Variants in EPS15 observed in about 807,000 individuals in gnomAD.
The protein encoded by EPS15 is epidermal growth factor receptor pathway substrate 15.
In EPS15, 72 loss-of-function variants were observed where a neutral mutation model predicts 113.8. The observed-to-expected ratio is 0.63, with a 90% CI of 0.52 to 0.77. The LOEUF is 0.77. Ranked by LOEUF, EPS15 falls within the 30% of genes least tolerant of loss-of-function variation. The probability of loss-of-function intolerance (pLI) is 0.00; values close to 1 mark genes in which losing one functional copy is unlikely to be tolerated. For missense variants in EPS15, 1,048 were observed against 1,045.8 expected (o/e 1.00, Z -0.03); for synonymous variants, 344 against 363.4 (o/e 0.95, Z 0.61).
At chr1:51,414,391 G>A (rs1650019981) in intron 13 of EPS15, among the ~76,000 whole-genome samples, 1 of 151,732 alleles carries the variant, frequency 6.6e-6, no homozygotes, top group Non-Finnish European at 1.5e-5. Flanking sequence ...ACTCCAGCCT[G>A]GGCAACAAGA....
At chr1:51,395,247 A>G (rs577664781) in intron 20 of EPS15, among the ~76,000 whole-genome samples, 4 of 152,288 alleles carry the variant, frequency 2.6e-5, no homozygotes, top group East Asian at 3.9e-4. Context: ...CCTAATGTTA[A>G]TATCTCACAT....
intron 1 of EPS15, among the ~76,000 whole-genome samples, chr1:51,498,192 G>A (rs1570432689): frequency 6.6e-6 from 1 of 151,882 alleles, no homozygotes; most frequent in African/African-American, 2.4e-5. Flanking sequence ...ACTCATAAAA[G>A]GTACAATGGA....
chr1:51,426,721 CAT>C (rs796823473), intron 12 of EPS15, among the ~76,000 whole-genome samples: 2 of 151,820 alleles, frequency 1.3e-5, no homozygotes, highest in African/African-American at 4.8e-5. Context: ...TGAGATGCAA[CAT>C]AAACTCTTCA....
In EPS15 at chr1:51,413,610, C is replaced by T. The variant is rs78585712; in HGVS notation, c.1114-3914G>A. On this transcript the variant is annotated intron_variant, in intron 13 of 24. Coordinates refer to ENST00000371733, the MANE Select transcript of EPS15 (RefSeq NM_001981.3). ...ACCCCAAACTGACCTATGACAAATG[C>T]TTTTTAAACTTTTTAAAATAATACC... 0.011 allele frequency among the ~76,000 whole-genome samples: 1,641 copies of T among 152,260 alleles called. 82 individuals carry two copies. In the East Asian group the frequency reaches 0.14, roughly 13 times the overall value.
intron 22 of EPS15, 105 bp from the exon 23 acceptor site, chr1:51,364,133 T>A: frequency 2.3e-6 from 2 of 886,778 alleles, no homozygotes; most frequent in Non-Finnish European, 3.2e-6. Context: ...TTATTTATTT[T>A]AATTCTGAGA....
chr1:51,430,567 C>CAAA (rs1284100143), intron 12 of EPS15, among the ~76,000 whole-genome samples: 4 of 91,808 alleles, frequency 4.4e-5, no homozygotes, highest in Non-Finnish European at 4.6e-5. Context: ...GACTTCGTCT[C>CAAA]AAAAAAAAAA....
chr1:51,385,075 T>C (rs181966836), intron 21 of EPS15, among the ~76,000 whole-genome samples: 31 of 152,246 alleles, frequency 2.0e-4, no homozygotes, highest in Admixed American at 7.9e-4. Flanking sequence ...AACAACACAA[T>C]AGATAAAATG....
At chr1:51,386,290 TATA>T in intron 21 of EPS15, among the ~76,000 whole-genome samples, 1 of 152,184 alleles carries the variant, frequency 6.6e-6, no homozygotes, top group East Asian at 1.9e-4. Flanking sequence ...AAGTAATTTA[TATA>T]ATAAGATGGA....
chr1:51,451,505 A>AAAAAAAAAAAAAAAAAGAAAG (rs763389428), intron 8 of EPS15, among the ~76,000 whole-genome samples: 1 of 147,560 alleles, frequency 6.8e-6, no homozygotes, highest in Non-Finnish European at 1.5e-5. Context: ...AAAAAAAAAA[A>AAAAAAAAAAAAAAAAAGAAAG]AAAGAAAGAA....
Position 51,463,758 on chromosome 1 carries a change from A to T in EPS15, c.416T>A (p.Leu139Ter). 1 of 1,604,314 alleles carries T rather than the reference A, an allele frequency of 6.2e-7. No homozygotes were observed. The highest frequency in any genetic ancestry group is 8.5e-7 in the Non-Finnish European group (1 of 1,171,880). The change falls in exon 7 of 25, where the codon TTA (leucine) becomes TAA (stop). Residue 139 changes from leucine to a stop codon, truncating the protein, a stop_gained. Coordinates refer to ENST00000371733, the MANE Select transcript of EPS15 (RefSeq NM_001981.3). LOFTEE classifies it high-confidence loss of function. ...KAKYDAIFDS[L>*]SPVNGFLSGD... ...AGACAGAAATCCATTCACTGGGCTT[A>T]AACTATCAAATATTGCATCATATTT... is the stretch of plus-strand genomic sequence containing the variant.
chr1:51,461,212 CAAGAA>C, intron 7 of EPS15, 62 bp from the exon 8 acceptor site: 1 of 1,250,386 alleles, frequency 8.0e-7, no homozygotes. Flanking sequence ...TACTCGAGGG[CAAGAA>C]AAGAAAGTTT....
At chr1:51,468,921 A>G (rs769984341) in intron 4 of EPS15, among the ~76,000 whole-genome samples, 44 of 152,158 alleles carry the variant, frequency 2.9e-4, no homozygotes, top group Non-Finnish European at 5.9e-4. Flanking sequence ...TGAGGTCAGG[A>G]GTATGAGACC....
At chr1:51,518,396 T>G (rs1570472665) in intron 1 of EPS15, 3 of 152,442 alleles carry the variant, frequency 2.0e-5, no homozygotes, top group African/African-American at 7.2e-5. Flanking sequence ...GCACCAAGAC[T>G]GGCGGAGCCA....
rs922500557 is a variant in EPS15 at position 51,354,731 on chromosome 1, T to C, written c.*1969A>G. The C allele has an allele frequency of 1.1e-5, 2 of 185,938 alleles. No homozygotes were observed. Among genetic ancestry groups the C allele is most frequent in the Non-Finnish European group, 2.3e-5 (2 of 87,786 alleles). The allele number at this position is 185,938 out of a possible 1,614,324, so 11.5% of individuals were successfully genotyped here. A position where few individuals can be genotyped will look rare whatever the true frequency, so the allele number is the denominator to read the frequency against. On this transcript the variant is annotated 3_prime_UTR_variant, in exon 25 of 25. Coordinates refer to ENST00000371733, the MANE Select transcript of EPS15 (RefSeq NM_001981.3). ...ATAATATATACATACTTTAATATTATGTTGGTCCACGGGGTATACACATTT... is the reference window on the plus strand; with the variant it reads ...ATAATATATACATACTTTAATATTACGTTGGTCCACGGGGTATACACATTT...
At chr1:51,448,205 G>T in intron 8 of EPS15, 70 bp from the exon 9 acceptor site, 2 of 868,344 alleles carry the variant, frequency 2.3e-6, no homozygotes, top group Non-Finnish European at 3.6e-6. Context: ...ATTGATTATT[G>T]TTCAATGATA....
intron 23 of EPS15, among the ~76,000 whole-genome samples, chr1:51,362,386 C>T (rs1254461769): frequency 1.3e-5 from 2 of 152,182 alleles, no homozygotes; most frequent in Non-Finnish European, 2.9e-5. Context: ...TTCCAACAAA[C>T]CAGTCTTTTC....
At chr1:51,509,532 A>T (rs770989590) in intron 1 of EPS15, among the ~76,000 whole-genome samples, 6 of 152,162 alleles carry the variant, frequency 3.9e-5, no homozygotes, top group Non-Finnish European at 8.8e-5. Context: ...TTAGTCAATA[A>T]AAGTCTATTT....
intron 12 of EPS15, among the ~76,000 whole-genome samples, chr1:51,435,673 G>T (rs1385729389): frequency 6.6e-6 from 1 of 152,130 alleles, no homozygotes; most frequent in African/African-American, 2.4e-5. Context: ...CTATTCCTCG[G>T]TGTTAAGTAA....
rs371476818 is a variant in EPS15, at chr1:51,405,926, C to A, written c.1656G>T (p.Glu552Asp). The A allele has an allele frequency of 3.7e-6, 6 of 1,614,058 alleles. No homozygotes were observed. The highest frequency in any genetic ancestry group is 3.3e-5 in the South Asian group (3 of 91,084). Residue 552 changes from glutamate (E) to aspartate (D), a missense_variant, in exon 16 of 25, where the codon GAG (glutamate) becomes GAT (aspartate). Coordinates refer to ENST00000371733, the MANE Select transcript of EPS15 (RefSeq NM_001981.3). ...HVEGQSNLES[E>D]PIHQESPARS... ...TCACTGGAGATTCCTGGTGTATGGG[C>A]TCAGACTCTAGGTTGCTCTGGCCTT...
Sources: allele counts gnomAD v4.1 joint callset (sites outside exome capture counted in the v4.1 genomes callset), GRCh38; gene constraint gnomAD v4.1.1; transcripts MANE v1.5; gene names NCBI Gene and HGNC (gene_info 2026-07-23, HGNC 2026-07-21).